UBR2: variants seen among roughly 807,000 people sequenced by gnomAD.
UBR2 encodes E3 ubiquitin-protein ligase UBR2.
A neutral mutation model predicts 247.9 loss-of-function variants in UBR2; 92 were observed. The observed-to-expected ratio is 0.37, with a 90% CI of 0.31 to 0.44. The LOEUF (loss-of-function observed/expected upper bound fraction) is 0.44, where lower values mean the gene tolerates loss of function less well. Among genes scored for constraint, UBR2 ranks in the 20% least tolerant of loss-of-function variants. UBR2 has a pLI of 1.00. For synonymous variants in UBR2, 672 were observed against 693.5 expected (o/e 0.97, Z 0.49); for missense variants, 1,613 against 2,112.6 (o/e 0.76, Z 4.64).
At chr6:42,651,216 G>A (rs1403174489) in intron 23 of UBR2, among the ~76,000 whole-genome samples, 3 of 146,792 alleles carry the variant, frequency 2.0e-5, no homozygotes, top group Non-Finnish European at 4.5e-5. Context: ...GAGTGAGACC[G>A]TATCTCAAAA....
intron 26 of UBR2, 105 bp downstream of exon 26, chr6:42,655,828 T>C: frequency 1.5e-6 from 1 of 655,056 alleles, no homozygotes; most frequent in Non-Finnish European, 2.4e-6. Context: ...AAGGGTAATA[T>C]TTAATCCAAA....
chr6:42,597,689 A>G (rs998988665), intron 4 of UBR2, among the ~76,000 whole-genome samples: 2 of 151,828 alleles, frequency 1.3e-5, no homozygotes, highest in Non-Finnish European at 2.9e-5. Flanking sequence ...TGAGGCAGGC[A>G]GATCACCTGA....
chr6:42,657,369 A>G (rs944524886), intron 26 of UBR2, among the ~76,000 whole-genome samples: 2 of 152,228 alleles, frequency 1.3e-5, no homozygotes, highest in African/African-American at 4.8e-5. Flanking sequence ...TTTATTTCCA[A>G]AGAAACCTCT....
intron 18 of UBR2, among the ~76,000 whole-genome samples, chr6:42,643,186 C>T (rs1325266521): frequency 1.3e-5 from 2 of 152,172 alleles, no homozygotes; most frequent in Non-Finnish European, 2.9e-5. Context: ...CCTACCCCCA[C>T]CCCACCAAAC....
chr6:42,637,188 C>T lies in UBR2; in HGVS notation c.1852C>T (p.Leu618Phe), dbSNP rs1562340786. 3 of 1,610,684 alleles carry T rather than the reference C, an allele frequency of 1.9e-6. No homozygotes were observed. The highest frequency in any genetic ancestry group is 2.5e-6 in the Non-Finnish European group (3 of 1,178,016). ...CATTCACCTCCCAGTTTCTCGCTTACTTGCAGGTAAAGCATTTCCCCTAAA... is the reference window on the plus strand; with the variant it reads ...CATTCACCTCCCAGTTTCTCGCTTATTTGCAGGTAAAGCATTTCCCCTAAA... Reference protein sequence around the residue: ...VSIHLPVSRLLAGLHVLLSKS... With the variant: ...VSIHLPVSRLFAGLHVLLSKS... The change falls in exon 15 of 47, where the codon CTT becomes TTT. Residue 618 changes from leucine to phenylalanine, a missense_variant. Physicochemically the swap from Leu to Phe is conservative, Grantham distance 22. Around this residue, in one of 3 missense-constraint regions of UBR2, gnomAD observed 1,524 missense variants for 1,967.3 expected, o/e 0.77. Coordinates refer to ENST00000372901, the MANE Select transcript of UBR2 (RefSeq NM_001363705.2).
chr6:42,613,205 G>A (rs755974879), intron 8 of UBR2, among the ~76,000 whole-genome samples: 1 of 152,176 alleles, frequency 6.6e-6, no homozygotes, highest in Non-Finnish European at 1.5e-5. Flanking sequence ...CAAGCCTGGT[G>A]TGTAACACTA....
chr6:42,573,809 A>G lies in UBR2; in HGVS notation c.154A>G (p.Arg52Gly). The G allele has an allele frequency of 4.3e-6, 7 of 1,613,638 alleles. No individual in the cohort carries two copies. The highest frequency in any genetic ancestry group is 1.1e-5 in the South Asian group (1 of 90,996). ...CCACTATGTACCCAAAATCTACTGC[A>G]GGGGTCCCAACCCTTTTCCACAGAA... ...LAHYVPKIYC[R>G]GPNPFPQKED... is the part of the protein sequence containing the mutation. The change falls in exon 2 of 47, where the codon AGG becomes GGG. Residue 52 changes from arginine to glycine, a missense_variant. By Grantham distance (125) the Arg-to-Gly change is moderately radical (BLOSUM62 -2). Transcript: ENST00000372901.
rs916328219 is a variant in UBR2 at position 42,566,353 on chromosome 6, G to A, written c.78+1956G>A. On this transcript the variant is annotated intron_variant, in intron 1 of 46. Coordinates refer to ENST00000372901, the MANE Select transcript of UBR2 (RefSeq NM_001363705.2). ...TTTGGACTTCATTTGAGTTTGTGAA[G>A]ATCATAATCTGAGCTACATTTTACC... Among the ~76,000 whole-genome samples, 3 of 152,236 alleles carry A rather than the reference G, an allele frequency of 2.0e-5. No homozygotes were observed. The East Asian group carries it at 5.8e-4, about 29-fold the overall frequency.
At chr6:42,680,107 G>A (rs1194611739) in intron 42 of UBR2, among the ~76,000 whole-genome samples, 1 of 152,114 alleles carries the variant, frequency 6.6e-6, no homozygotes, top group African/African-American at 2.4e-5. Context: ...CTGGGTTCAG[G>A]GGATTCTCCT....
chr6:42,620,008 A>C (rs534970115), intron 11 of UBR2: 6 of 948,550 alleles, frequency 6.3e-6, no homozygotes, highest in Non-Finnish European at 7.5e-6. Context: ...TATTTAGGAA[A>C]ACTACTGATT....
intron 11 of UBR2, chr6:42,620,478 G>GTTTTT (rs1358769362): frequency 5.0e-5 from 5 of 100,984 alleles, no homozygotes; most frequent in East Asian, 2.5e-4. Flanking sequence ...AATATTAAGT[G>GTTTTT]TTGTTTTTTT....
rs1221393295 is a variant in UBR2, at chr6:42,626,878, C to T, written c.1282-5674C>T. On this transcript the variant is annotated intron_variant, in intron 11 of 46. Transcript: ENST00000372901. ...TTCTGGCCTCTCCAACACCCTGGGA[C>T]TGCTATAGTCTCAGCAAGTTTTTCT... Among the ~76,000 whole-genome samples, 30 of 152,200 alleles carry T rather than the reference C, an allele frequency of 2.0e-4. 1 individual carries two copies. The highest frequency in any genetic ancestry group is 2.0e-3 in the Admixed American group (30 of 15,280).
intron 11 of UBR2, chr6:42,619,555 C>A: frequency 4.5e-6 from 1 of 221,448 alleles, no homozygotes; most frequent in South Asian, 1.6e-4. Flanking sequence ...CTGAGACCAG[C>A]CTGGCCAACA....
At chr6:42,619,458 T>G in intron 11 of UBR2, 1 of 138,606 alleles carries the variant, frequency 7.2e-6, no homozygotes, top group Non-Finnish European at 1.4e-5. Flanking sequence ...TATATATTTT[T>G]TTTTTTTAGT....
At chr6:42,665,732 T>C (rs1798068454) in intron 33 of UBR2, among the ~76,000 whole-genome samples, 1 of 152,046 alleles carries the variant, frequency 6.6e-6, no homozygotes, top group African/African-American at 2.4e-5. Flanking sequence ...TTCTCACTTA[T>C]TCCCCCATTT....
At chr6:42,613,956 C>G (rs1259824279) in intron 8 of UBR2, among the ~76,000 whole-genome samples, 1 of 151,316 alleles carries the variant, frequency 6.6e-6, no homozygotes, top group South Asian at 2.1e-4. Flanking sequence ...AAGTGGGTCA[C>G]TTGAGCCCAA....
At chr6:42,661,906 A>C (rs540408166) in intron 30 of UBR2, among the ~76,000 whole-genome samples, 2 of 152,362 alleles carry the variant, frequency 1.3e-5, no homozygotes, top group East Asian at 3.9e-4. Flanking sequence ...AAAGTGTGAA[A>C]TGTTCAAAAG....
intron 8 of UBR2, among the ~76,000 whole-genome samples, chr6:42,614,346 A>ATGTGTG (rs771602537): frequency 1.6e-5 from 1 of 61,990 alleles, no homozygotes; most frequent in Non-Finnish European, 4.0e-5. Flanking sequence ...GTATGTGTGT[A>ATGTGTG]TGTATGTGTG....
intron 4 of UBR2, among the ~76,000 whole-genome samples, chr6:42,599,020 C>CA (rs1793180730): frequency 6.6e-6 from 1 of 152,110 alleles, no homozygotes; most frequent in East Asian, 1.9e-4. Context: ...CTCCTGAACT[C>CA]AAGCAGAGTC....
Sources: gnomAD v4.1 joint callset for allele counts (sites outside exome capture counted in the v4.1 genomes callset) on GRCh38, gnomAD v4.1.1 for gene constraint, gnomAD v4.1.1 regional missense constraint, MANE v1.5 for transcripts, NCBI Gene and HGNC (gene_info 2026-07-23, HGNC 2026-07-21) for gene names.